Variants in CAST observed in about 807,000 individuals in gnomAD.
The protein encoded by CAST is MIR583 host.
Under a neutral mutation model 119.6 loss-of-function variants are expected in CAST, and 76 were observed. The observed-to-expected ratio is 0.64, with a 90% CI of 0.53 to 0.77. The LOEUF is 0.77. Among genes scored for constraint, CAST ranks in the 30% least tolerant of loss-of-function variants. The pLI is 0.00. For missense variants in CAST, 953 were observed against 946.5 expected (o/e 1.01, Z -0.09); for synonymous variants, 319 against 331.6 (o/e 0.96, Z 0.41).
chr5:96,690,319 T>A (rs1321718917), intron 2 of CAST, among the ~76,000 whole-genome samples: 2 of 151,974 alleles, frequency 1.3e-5, no homozygotes, highest in Non-Finnish European at 2.9e-5. Flanking sequence ...GCAACCTCCA[T>A]CTCCCAGGTT....
At chr5:96,651,136 C>T (rs1488328622) in intron 1 of CAST, among the ~76,000 whole-genome samples, 2 of 152,014 alleles carry the variant, frequency 1.3e-5, no homozygotes, top group South Asian at 2.1e-4. Context: ...ATGATGCTGC[C>T]GATGCCAGCC....
At chr5:96,530,327 G>C (rs1176350805) in intron 1 of CAST, among the ~76,000 whole-genome samples, 1 of 152,164 alleles carries the variant, frequency 6.6e-6, no homozygotes, top group African/African-American at 2.4e-5. Flanking sequence ...AGAGGAAACA[G>C]GATGTGAAAA....
the CAST span, among the ~76,000 whole-genome samples, chr5:96,476,290 A>G: frequency 2.0e-5 from 3 of 152,278 alleles, no homozygotes; most frequent in South Asian, 4.1e-4. Context: ...GATTTTTTTC[A>G]TATTTAAGAC....
intron 22 of CAST, 117 bp from the exon 23 acceptor site, chr5:96,757,327 A>G: frequency 1.1e-6 from 1 of 922,608 alleles, no homozygotes; most frequent in South Asian, 1.4e-5. Flanking sequence ...TGATGGATCT[A>G]ATTTAAAATG....
chr5:96,428,897 A>C, the CAST span, among the ~76,000 whole-genome samples: 1 of 152,128 alleles, frequency 6.6e-6, no homozygotes, highest in East Asian at 1.9e-4. Context: ...CTCTCATTTT[A>C]AATATTCACT....
At chr5:96,113,594 A>T in the CAST span, among the ~76,000 whole-genome samples, 2 of 152,242 alleles carry the variant, frequency 1.3e-5, no homozygotes, top group African/African-American at 2.4e-5. Flanking sequence ...TAAAGCAGCC[A>T]TTCTCACCCA....
At chr5:96,144,749 C>T in the CAST span, among the ~76,000 whole-genome samples, 3 of 151,832 alleles carry the variant, frequency 2.0e-5, no homozygotes, top group African/African-American at 7.3e-5. Context: ...CTCACTACAA[C>T]CTCTGGGTTC....
At chr5:96,421,915 A>G in the CAST span, 2 of 1,576,484 alleles carry the variant, frequency 1.3e-6, no homozygotes, top group South Asian at 1.1e-5. Context: ...GGGGAAATGG[A>G]TCATGGTCAT....
chr5:96,293,139 G>T, the CAST span, among the ~76,000 whole-genome samples: 1 of 152,184 alleles, frequency 6.6e-6, no homozygotes, highest in South Asian at 2.1e-4. Context: ...AATGGTGCCA[G>T]CTCCTCCCCC....
chr5:96,454,502 T>A, the CAST span, among the ~76,000 whole-genome samples: 1 of 152,172 alleles, frequency 6.6e-6, no homozygotes, highest in Non-Finnish European at 1.5e-5. Context: ...CTAATATTTG[T>A]AATAAAAATA....
At chr5:96,243,964 A>G in the CAST span, among the ~76,000 whole-genome samples, 1 of 152,234 alleles carries the variant, frequency 6.6e-6, no homozygotes, top group Non-Finnish European at 1.5e-5. Context: ...AATAACATGC[A>G]AAGTATTTAG....
At chr5:95,988,942 TA>T in the CAST span, among the ~76,000 whole-genome samples, 2 of 152,192 alleles carry the variant, frequency 1.3e-5, no homozygotes, top group African/African-American at 2.4e-5. Context: ...TGAAGCTATT[TA>T]AAAAACGTAA....
At chr5:95,987,187 C>A in the CAST span, among the ~76,000 whole-genome samples, 2 of 152,158 alleles carry the variant, frequency 1.3e-5, no homozygotes, top group Non-Finnish European at 2.9e-5. Context: ...CCAGTCTCAG[C>A]TCTAATACAA....
the CAST span, among the ~76,000 whole-genome samples, chr5:96,010,269 T>C: frequency 1.3e-5 from 2 of 152,174 alleles, no homozygotes; most frequent in African/African-American, 2.4e-5. Flanking sequence ...TTGCTTTGGC[T>C]ATTCAAGCTC....
At chr5:96,450,336 C>T in the CAST span, among the ~76,000 whole-genome samples, 4,713 of 152,220 alleles carry the variant, frequency 0.031, 221 homozygotes, top group African/African-American at 0.1. Context: ...TGAAATGACT[C>T]AGAAGCAGAA....
At chr5:96,230,921 A>G in the CAST span, among the ~76,000 whole-genome samples, 1 of 152,202 alleles carries the variant, frequency 6.6e-6, no homozygotes, top group Non-Finnish European at 1.5e-5. Context: ...AGGAAAATGC[A>G]AATCAAAACC....
chr5:96,579,368 C>T (rs888848707), intron 1 of CAST, among the ~76,000 whole-genome samples: 1 of 152,120 alleles, frequency 6.6e-6, no homozygotes, highest in Non-Finnish European at 1.5e-5. Flanking sequence ...AGGTATATTT[C>T]GGCACAGGAG....
chr5:96,436,245 A>T, the CAST span, among the ~76,000 whole-genome samples: 1 of 152,232 alleles, frequency 6.6e-6, no homozygotes, highest in Admixed American at 6.5e-5. Context: ...GTTTTCCAAC[A>T]TAGAAAATAA....
the CAST span, among the ~76,000 whole-genome samples, chr5:96,051,393 T>G: frequency 6.6e-6 from 1 of 152,156 alleles, no homozygotes; most frequent in African/African-American, 2.4e-5. Context: ...GAAGTCAAAC[T>G]GTTCAGGAAT....
Sources: allele counts gnomAD v4.1 joint callset (sites outside exome capture counted in the v4.1 genomes callset), GRCh38; gene constraint gnomAD v4.1.1; transcripts MANE v1.5; gene names NCBI Gene and HGNC (gene_info 2026-07-23, HGNC 2026-07-21).